Variants in INSC observed in about 807,000 individuals in gnomAD.
INSC encodes the protein protein inscuteable homolog.
In INSC, 67 loss-of-function variants were observed where a neutral mutation model predicts 58.6. That is an observed-to-expected ratio of 1.14 (90% confidence interval 0.94 to 1.40). The LOEUF is 1.40. Ranked by LOEUF, INSC falls within the 40% of genes most tolerant of loss-of-function variation. The pLI is 0.00. For missense variants in INSC, 714 were observed against 692.0 expected (o/e 1.03, Z -0.36); for synonymous variants, 262 against 276.1 (o/e 0.95, Z 0.51).
intron 2 of INSC, among the ~76,000 whole-genome samples, chr11:15,150,247 G>A (rs770602329): frequency 1.9e-4 from 29 of 152,198 alleles, no homozygotes; most frequent in East Asian, 5.8e-4. Flanking sequence ...CAGAGAAGGC[G>A]CATGTGTAGT....
At chr11:15,178,223 A>C in intron 4 of INSC, 101 bp from the exon 5 acceptor site, 4 of 1,489,914 alleles carry the variant, frequency 2.7e-6, no homozygotes, top group Non-Finnish European at 3.6e-6. Context: ...TGTCTTCAGC[A>C]CACACCAGGC....
At chr11:15,221,886 T>C (rs1851456237) in intron 8 of INSC, among the ~76,000 whole-genome samples, 1 of 152,200 alleles carries the variant, frequency 6.6e-6, no homozygotes, top group Non-Finnish European at 1.5e-5. Flanking sequence ...ACCTGAATTA[T>C]TGTCAGTTTG....
At position 15,170,431 on chromosome 11, in the gene INSC, G is replaced by GT. The variant is rs747905282; in HGVS notation, c.57-5306dup. Among the ~76,000 whole-genome samples the GT allele has an allele frequency of 5.1e-3, 777 of 152,206 alleles. 2 individuals are homozygous for GT. The highest frequency in any genetic ancestry group is 8.5e-3 in the Non-Finnish European group (578 of 68,030). On this transcript the variant is annotated intron_variant, in intron 2 of 12. Coordinates refer to ENST00000379556, the MANE Select transcript of INSC (RefSeq NM_001042536.3). Reference sequence around the variant, plus strand: ...CCACTTTGAAGAGTATTGGTCAGGTGTTTTGTAGAATGTCCCTCAGTTTGG... The same window carrying GT: ...CCACTTTGAAGAGTATTGGTCAGGTGTTTTTGTAGAATGTCCCTCAGTTTGG...
chr11:15,217,921 T>G (rs1484935666), intron 7 of INSC, among the ~76,000 whole-genome samples: 1 of 152,226 alleles, frequency 6.6e-6, no homozygotes, highest in African/African-American at 2.4e-5. Context: ...AGTGTGATTA[T>G]GTATTGCTGG....
At chr11:15,168,065 A>G (rs1220385148) in intron 2 of INSC, among the ~76,000 whole-genome samples, 2 of 152,044 alleles carry the variant, frequency 1.3e-5, no homozygotes, top group Admixed American at 1.3e-4. Context: ...CCATCTGCCT[A>G]TGTTAAGGCT....
At chr11:15,267,688 A>T in the INSC span, among the ~76,000 whole-genome samples, 1 of 151,904 alleles carries the variant, frequency 6.6e-6, no homozygotes, top group African/African-American at 2.4e-5. Flanking sequence ...TGTAGTAACT[A>T]TTTTAATATT....
At chr11:15,240,314 C>T (rs1027274560) in intron 11 of INSC, 133 bp from the exon 12 acceptor site, 4 of 724,472 alleles carry the variant, frequency 5.5e-6, no homozygotes, top group African/African-American at 5.2e-5. Flanking sequence ...AGTAAGTTTC[C>T]ACCACAGACT....
chr11:15,141,729 T>C (rs1848377263), intron 1 of INSC, among the ~76,000 whole-genome samples: 1 of 152,088 alleles, frequency 6.6e-6, no homozygotes, highest in African/African-American at 2.4e-5. Context: ...ACAGGTCACA[T>C]AGAGGTCCAG....
At chr11:15,117,773 G>A (rs191082388) in intron 1 of INSC, among the ~76,000 whole-genome samples, 31 of 152,260 alleles carry the variant, frequency 2.0e-4, no homozygotes, top group Admixed American at 4.6e-4. Flanking sequence ...CAACTCATAT[G>A]TCTCAATTTG....
chr11:15,180,714 A>G (rs996892675), intron 5 of INSC, among the ~76,000 whole-genome samples: 1 of 144,302 alleles, frequency 6.9e-6, no homozygotes, highest in African/African-American at 2.6e-5. Flanking sequence ...TGGTGGCCAC[A>G]GAGTGTTGTC....
intron 9 of INSC, among the ~76,000 whole-genome samples, chr11:15,228,474 CCTT>C (rs749973643): frequency 4.3e-4 from 65 of 152,336 alleles, no homozygotes; most frequent in Non-Finnish European, 7.5e-4. Context: ...GATGGCTTCA[CCTT>C]CTGTCCTGTC....
At chr11:15,141,689 A>T (rs1362235659) in intron 1 of INSC, among the ~76,000 whole-genome samples, 2 of 152,102 alleles carry the variant, frequency 1.3e-5, no homozygotes, top group Non-Finnish European at 2.9e-5. Context: ...CACAGCTAGC[A>T]ATAGCTCCAA....
intron 2 of INSC, among the ~76,000 whole-genome samples, chr11:15,165,117 G>T (rs1849150795): frequency 6.6e-6 from 1 of 152,154 alleles, no homozygotes; most frequent in Non-Finnish European, 1.5e-5. Flanking sequence ...AGTTTGTGGG[G>T]ATAACTTATG....
intron 10 of INSC, among the ~76,000 whole-genome samples, chr11:15,236,213 A>C (rs1852123929): frequency 6.6e-6 from 1 of 152,092 alleles, no homozygotes; most frequent in East Asian, 1.9e-4. Flanking sequence ...ATGTATAAGA[A>C]GATAGCAAAT....
chr11:15,165,055 C>T (rs745997694), intron 2 of INSC, among the ~76,000 whole-genome samples: 21 of 152,106 alleles, frequency 1.4e-4, no homozygotes, highest in Non-Finnish European at 2.9e-4. Context: ...TACATGATAC[C>T]GAGCAGGTCT....
chr11:15,113,490 C>T (rs570947491), upstream of INSC, among the ~76,000 whole-genome samples: 8 of 152,264 alleles, frequency 5.3e-5, no homozygotes, highest in East Asian at 1.9e-4. Flanking sequence ...CCTGCCCTAC[C>T]GGAAACAGAC....
chr11:15,166,126 C>G (rs953845659), intron 2 of INSC, among the ~76,000 whole-genome samples: 1 of 152,126 alleles, frequency 6.6e-6, no homozygotes, highest in African/African-American at 2.4e-5. Flanking sequence ...ATGTTTTAAA[C>G]CTTGTTGAAC....
intron 7 of INSC, among the ~76,000 whole-genome samples, chr11:15,209,201 C>G (rs1371676167): frequency 6.6e-6 from 1 of 152,214 alleles, no homozygotes; most frequent in Non-Finnish European, 1.5e-5. Flanking sequence ...CTTTGGTAAA[C>G]AAGCCTGGGT....
intron 5 of INSC, among the ~76,000 whole-genome samples, chr11:15,179,638 C>T (rs2679632): frequency 0.21 from 31,831 of 152,128 alleles, 3,653 homozygotes; most frequent in South Asian, 0.29. Context: ...GGAAGGTCCT[C>T]AAGGGCCACT....
Sources: allele counts gnomAD v4.1 joint callset (sites outside exome capture counted in the v4.1 genomes callset), GRCh38; gene constraint gnomAD v4.1.1; transcripts MANE v1.5; gene names NCBI Gene and HGNC (gene_info 2026-07-23, HGNC 2026-07-21).